Variants in BLK observed in about 807,000 individuals in gnomAD.
The protein encoded by BLK is BLK proto-oncogene, Src family tyrosine kinase, also known as tyrosine-protein kinase Blk.
BLK carries 64 observed loss-of-function variants against 61.8 expected under a neutral mutation model. The observed-to-expected ratio is 1.03, with a 90% confidence interval of 0.85 to 1.27. BLK has a LOEUF of 1.27. BLK is among the 50% of genes most tolerant of loss of function. BLK has a pLI of 0.00. For missense variants in BLK, 853 were observed against 660.5 expected (o/e 1.29, Z -3.19); for synonymous variants, 351 against 272.0 (o/e 1.29, Z -2.86).
intron 1 of BLK, among the ~76,000 whole-genome samples, chr8:11,542,616 GA>G (rs1431050395): frequency 6.6e-6 from 1 of 152,106 alleles, no homozygotes; most frequent in Non-Finnish European, 1.5e-5. Context: ...CTTTACCAAA[GA>G]AAAAAACCTG....
At chr8:11,526,938 C>T (rs1350734189) in intron 1 of BLK, among the ~76,000 whole-genome samples, 1 of 152,124 alleles carries the variant, frequency 6.6e-6, no homozygotes, top group Non-Finnish European at 1.5e-5. Context: ...GGGAGAATTT[C>T]CCAAATATCA....
At chr8:11,519,430 T>C (rs945140310) in intron 1 of BLK, among the ~76,000 whole-genome samples, 18 of 152,194 alleles carry the variant, frequency 1.2e-4, no homozygotes, top group African/African-American at 4.3e-4. Context: ...CAATAATTCA[T>C]ACACAAATAT....
At position 11,524,456 on chromosome 8, in the gene BLK, C is replaced by A. The variant is rs184246925; in HGVS notation, c.-1-18768C>A. 2.0e-3 allele frequency among the ~76,000 whole-genome samples: 310 copies of A among 152,198 alleles called. 3 individuals are homozygous for A. The highest frequency in any genetic ancestry group is 7.1e-3 in the African/African-American group (295 of 41,526). On this transcript the variant is annotated intron_variant, in intron 1 of 12. Transcript: ENST00000259089. ...AAGTAAAAGACCACTTTTTTGTAAGCCAGCTCAGAAAGGATGAAAAGAATA... is the reference window on the plus strand; with the variant it reads ...AAGTAAAAGACCACTTTTTTGTAAGACAGCTCAGAAAGGATGAAAAGAATA...
At chr8:11,552,565 C>T (rs1800955705) in intron 6 of BLK, 1 of 152,176 alleles carries the variant, frequency 6.6e-6, no homozygotes, top group African/African-American at 2.4e-5. Flanking sequence ...TTTAGTGGAA[C>T]CCCTGGTACC....
At chr8:11,517,767 C>A (rs774572552) in intron 1 of BLK, among the ~76,000 whole-genome samples, 1 of 152,204 alleles carries the variant, frequency 6.6e-6, no homozygotes, top group Non-Finnish European at 1.5e-5. Context: ...GAGGCAGCAC[C>A]CATGGTGCAG....
chr8:11,563,942 G>A lies in BLK; in HGVS notation c.1352G>A (p.Gly451Asp). 1.2e-6 allele frequency: 2 copies of A among 1,607,710 alleles called. No homozygotes were observed. The highest frequency in any genetic ancestry group is 1.7e-6 in the Non-Finnish European group (2 of 1,179,376). ...NPEVIRNLER[G>D]YRMPRPDTCP... is the part of the protein sequence containing the mutation. ...GAGGTCATCCGCAACCTGGAGCGCGGCTACCGCATGCCGCGCCCCGACACC... is the reference window on the plus strand; with the variant it reads ...GAGGTCATCCGCAACCTGGAGCGCGACTACCGCATGCCGCGCCCCGACACC... The change falls in exon 13 of 13, where the codon GGC becomes GAC. Residue 451 changes from glycine to aspartate, a missense_variant. By Grantham distance (94) the Gly-to-Asp change is moderately conservative. Transcript: ENST00000259089.
chr8:11,534,967 C>A (rs951312539), intron 1 of BLK, among the ~76,000 whole-genome samples: 1 of 152,086 alleles, frequency 6.6e-6, no homozygotes, highest in African/African-American at 2.4e-5. Context: ...TGAGTCCAGG[C>A]ATTCAAGACC....
Position 11,553,603 on chromosome 8 carries a change from C to T in BLK, c.473-1140C>T, listed in dbSNP as rs1801024326. ...AGCCTACAAAATGGAGAGAAAAGCC[C>T]TTGATGAATGAACTCCCTAAGGCCA... is the stretch of plus-strand genomic sequence containing the variant. On this transcript the variant is annotated intron_variant, in intron 6 of 12. Transcript: ENST00000259089. The T allele has an allele frequency of 2.4e-5, 5 of 206,466 alleles. No homozygotes were observed. In the South Asian group the frequency reaches 3.6e-4, roughly 15 times the overall value. 12.8% of individuals were successfully genotyped at this position (206,466 alleles called of 1,614,324 possible).
At chr8:11,506,608 C>T (rs1014977642) in intron 1 of BLK, among the ~76,000 whole-genome samples, 6 of 152,154 alleles carry the variant, frequency 3.9e-5, no homozygotes, top group African/African-American at 7.2e-5. Flanking sequence ...GGAAACTGAC[C>T]TCTCAATTCA....
intron 1 of BLK, among the ~76,000 whole-genome samples, chr8:11,511,554 T>C (rs1384835312): frequency 6.6e-6 from 1 of 152,212 alleles, no homozygotes; most frequent in Non-Finnish European, 1.5e-5. Context: ...TAAATTTCCT[T>C]AAACACAAGT....
chr8:11,529,362 GA>G (rs1422659854), intron 1 of BLK, among the ~76,000 whole-genome samples: 3 of 152,132 alleles, frequency 2.0e-5, no homozygotes, highest in Non-Finnish European at 4.4e-5. Context: ...AGTGAGTCGA[GA>G]GTGCTGATTG....
intron 1 of BLK, among the ~76,000 whole-genome samples, chr8:11,522,609 A>G (rs1176750166): frequency 6.6e-6 from 1 of 152,180 alleles, no homozygotes; most frequent in Non-Finnish European, 1.5e-5. Flanking sequence ...CATCATTTTG[A>G]AACAGTGTCC....
rs1455151874 is a variant in BLK at position 11,505,932 on chromosome 8, G to T, written c.-2+11341G>T. On this transcript the variant is annotated intron_variant, in intron 1 of 12. Coordinates refer to ENST00000259089, the MANE Select transcript of BLK (RefSeq NM_001715.3). ...AGAGAGCTTCTATGTATCCTTGGAG[G>T]TCCAGTCCTAATGTCCCTGCCTCCG... is the stretch of plus-strand genomic sequence containing the variant. Among the ~76,000 whole-genome samples, 3 of 152,212 alleles carry T rather than the reference G, an allele frequency of 2.0e-5. No individual in the cohort carries two copies. In the East Asian group the frequency reaches 5.8e-4, roughly 29 times the overall value.
In BLK at chr8:11,554,935, C is replaced by T. The variant is rs114620716; in HGVS notation, c.619+46C>T. ...GGGGCAGGGACTTGTGCCAAGAGCC[C>T]CTGGATCTCTCGCTAAGATTCCCAA... On this transcript the variant is annotated intron_variant, in intron 7 of 12. Coordinates refer to ENST00000259089, the MANE Select transcript of BLK (RefSeq NM_001715.3). 1,282 of 1,601,418 alleles carry T rather than the reference C, an allele frequency of 8.0e-4. 11 individuals carry two copies. The African/African-American group carries it at 0.014, about 18-fold the overall frequency.
At position 11,539,211 on chromosome 8, in the gene BLK, C is replaced by T. The variant is rs112926857; in HGVS notation, c.-1-4013C>T. 6.5e-3 allele frequency among the ~76,000 whole-genome samples: 987 copies of T among 152,218 alleles called. 7 individuals are homozygous for T. The highest frequency in any genetic ancestry group is 0.021 in the African/African-American group (892 of 41,520). On this transcript the variant is annotated intron_variant, in intron 1 of 12. Transcript: ENST00000259089. ...TGTGTAATATGCAAACATATCTACA[C>T]GCCTGAATAGAGGTTTCTTTTCATT... is the stretch of plus-strand genomic sequence containing the variant.
chr8:11,535,221 GAA>G, intron 1 of BLK, among the ~76,000 whole-genome samples: 1 of 28,430 alleles, frequency 3.5e-5, no homozygotes, highest in Non-Finnish European at 1.2e-4. Flanking sequence ...GAAAGAGAGA[GAA>G]AGAAAGAAAA....
chr8:11,558,994 T>C (rs1243982216), intron 10 of BLK: 1 of 456,294 alleles, frequency 2.2e-6, no homozygotes, highest in Admixed American at 2.3e-5. Context: ...AGGCTGGTTT[T>C]GGAAAATGAG....
chr8:11,542,382 T>TAGTTGAACAGGGC (rs1800421110), intron 1 of BLK, among the ~76,000 whole-genome samples: 1 of 152,310 alleles, frequency 6.6e-6, no homozygotes, highest in South Asian at 2.1e-4. Context: ...CTTGGGTGCT[T>TAGTTGAACAGGGC]CCTCTCTATG....
At chr8:11,508,149 C>T (rs998587717) in intron 1 of BLK, among the ~76,000 whole-genome samples, 4 of 152,202 alleles carry the variant, frequency 2.6e-5, no homozygotes, top group African/African-American at 7.2e-5. Flanking sequence ...GACTGTTTGA[C>T]CCCAAAGCCA....
Sources: allele counts gnomAD v4.1 joint callset (sites outside exome capture counted in the v4.1 genomes callset), GRCh38; gene constraint gnomAD v4.1.1; transcripts MANE v1.5; gene names NCBI Gene and HGNC (gene_info 2026-07-23, HGNC 2026-07-21).